Variants in RIMKLA observed in about 807,000 individuals in gnomAD.
The protein encoded by RIMKLA is ribosomal modification protein rimK like family member A.
In RIMKLA, 14 loss-of-function variants were observed where a neutral mutation model predicts 32.7. The observed-to-expected ratio is 0.43, with a 90% CI of 0.28 to 0.67. RIMKLA has a LOEUF of 0.67. Among genes scored for constraint, RIMKLA ranks in the 30% least tolerant of loss-of-function variants. RIMKLA has a pLI of 0.18. For synonymous variants in RIMKLA, 176 were observed against 204.1 expected (o/e 0.86, Z 1.18); for missense variants, 410 against 519.0 (o/e 0.79, Z 2.04).
At chr1:42,391,439 G>A (rs1477742463) in intron 1 of RIMKLA, among the ~76,000 whole-genome samples, 1 of 152,074 alleles carries the variant, frequency 6.6e-6, no homozygotes, top group African/African-American at 2.4e-5. Context: ...GGAGCGAGGA[G>A]GATATCTAGG....
At chr1:42,411,795 C>T (rs553636429) in intron 4 of RIMKLA, among the ~76,000 whole-genome samples, 12 of 152,244 alleles carry the variant, frequency 7.9e-5, no homozygotes, top group African/African-American at 2.2e-4. Context: ...CTCAGCCTCC[C>T]GAGTAGCTGG....
In RIMKLA at chr1:42,417,091, A is replaced by G. The variant is rs1300672869; in HGVS notation, c.*2117A>G. The G allele has an allele frequency of 8.5e-5, 13 of 152,226 alleles. No homozygotes were observed. Among genetic ancestry groups the G allele is most frequent in the Admixed American group, 8.5e-4 (13 of 15,288 alleles). The allele number at this position is 152,226 out of a possible 1,614,324, so 9.4% of individuals were successfully genotyped here. ...CTTTCTGTGCAAACTTAACCAAGTGATGATCGTCTGGAAGCTGCATTCCCT... is the reference window on the plus strand; with the variant it reads ...CTTTCTGTGCAAACTTAACCAAGTGGTGATCGTCTGGAAGCTGCATTCCCT... On this transcript the variant is annotated 3_prime_UTR_variant, in exon 5 of 5. Coordinates refer to ENST00000431473, the MANE Select transcript of RIMKLA (RefSeq NM_173642.4).
At chr1:42,405,270 A>AT (rs1302043121) in intron 3 of RIMKLA, among the ~76,000 whole-genome samples, 1 of 152,042 alleles carries the variant, frequency 6.6e-6, no homozygotes, top group Non-Finnish European at 1.5e-5. Context: ...TTTCCATAGC[A>AT]TTTTGTATGT....
At chr1:42,402,488 A>G (rs918146199) in intron 2 of RIMKLA, among the ~76,000 whole-genome samples, 9 of 152,112 alleles carry the variant, frequency 5.9e-5, no homozygotes, top group Admixed American at 5.9e-4. Flanking sequence ...TTGGACATGG[A>G]AGAGGGCCAT....
At chr1:42,408,211 C>T (rs16829446) in intron 3 of RIMKLA, among the ~76,000 whole-genome samples, 2,971 of 152,190 alleles carry the variant, frequency 0.02, 98 homozygotes, top group African/African-American at 0.067. Flanking sequence ...CTTGCTGGGC[C>T]CTATCCAGCT....
intron 4 of RIMKLA, 45 bp downstream of exon 4, chr1:42,410,232 T>C: frequency 3.3e-6 from 5 of 1,528,290 alleles, no homozygotes; most frequent in Non-Finnish European, 4.5e-6. Context: ...TTTGGACCCA[T>C]TCAGCAAATG....
intron 2 of RIMKLA, among the ~76,000 whole-genome samples, chr1:42,402,099 G>A (rs979743655): frequency 6.6e-6 from 1 of 152,054 alleles, no homozygotes; most frequent in African/African-American, 2.4e-5. Flanking sequence ...TTACGTTCAC[G>A]GCCTCATTTT....
chr1:42,397,735 A>G (rs1007360846), intron 1 of RIMKLA, among the ~76,000 whole-genome samples: 1 of 152,074 alleles, frequency 6.6e-6, no homozygotes, highest in African/African-American at 2.4e-5. Context: ...AAAAAAAAAT[A>G]AAATAATACA....
intron 1 of RIMKLA, among the ~76,000 whole-genome samples, chr1:42,381,932 C>G (rs1336527876): frequency 2.6e-5 from 4 of 152,208 alleles, no homozygotes; most frequent in Non-Finnish European, 5.9e-5. Flanking sequence ...CTGGAGGCAT[C>G]CAACCATTTC....
chr1:42,403,192 T>C (rs548891039), intron 2 of RIMKLA, among the ~76,000 whole-genome samples: 1 of 110,896 alleles, frequency 9.0e-6, no homozygotes, highest in East Asian at 2.1e-4. Flanking sequence ...TGGAACTTAG[T>C]TTCCCCTGTG....
In RIMKLA at chr1:42,414,655, C is replaced by T; in HGVS notation, c.857C>T (p.Ala286Val). The change falls in exon 5 of 5, where the codon GCA becomes GTA. Residue 286 changes from alanine to valine, a missense_variant. Ala to Val is a moderately conservative substitution (Grantham distance 64). Coordinates refer to ENST00000431473, the MANE Select transcript of RIMKLA (RefSeq NM_173642.4). ...GTTGGCTTCCTAGCCTTTGACCAGG[C>T]ATGCAACTTAGATGTGGGTGGGATC... ...ANVGFLAFDQACNLDVGGIIA... is the reference protein window; with the variant it reads ...ANVGFLAFDQVCNLDVGGIIA... The T allele has an allele frequency of 6.2e-7, 1 of 1,614,200 alleles. No homozygotes were observed. Among genetic ancestry groups the T allele is most frequent in the Non-Finnish European group, 8.5e-7 (1 of 1,180,020 alleles).
chr1:42,399,354 T>G (rs920707684), intron 1 of RIMKLA, 50 bp from the exon 2 acceptor site: 5 of 1,324,462 alleles, frequency 3.8e-6, no homozygotes, highest in East Asian at 2.4e-5. Flanking sequence ...TTTCTTCTGG[T>G]GGACTAAACG....
In RIMKLA at chr1:42,414,981, G is replaced by C. The variant is rs565541395; in HGVS notation, c.*7G>C. The C allele has an allele frequency of 1.0e-5, 16 of 1,593,328 alleles. No individual in the cohort carries two copies. Among genetic ancestry groups the C allele is most frequent in the Non-Finnish European group, 1.4e-5 (16 of 1,169,738 alleles). On this transcript the variant is annotated 3_prime_UTR_variant, in exon 5 of 5. Coordinates refer to ENST00000431473, the MANE Select transcript of RIMKLA (RefSeq NM_173642.4). ...TGAGTTAAAACTTAAGTGAATTCCT[G>C]CTTTTTGGCAGCATTTAAACCAAAT...
At position 42,417,955 on chromosome 1, in the gene RIMKLA, C is replaced by T. The variant is rs1643264049; in HGVS notation, c.*2981C>T. On this transcript the variant is annotated 3_prime_UTR_variant, in exon 5 of 5. Coordinates refer to ENST00000431473, the MANE Select transcript of RIMKLA (RefSeq NM_173642.4). ...CGTCTCAAAAAAAAAAAAAAAAAGC[C>T]ACACATTCTTGGCATTAGCACACCA... The T allele has an allele frequency of 6.6e-6, 1 of 150,834 alleles. No individual in the cohort carries two copies. Among genetic ancestry groups the T allele is most frequent in the Non-Finnish European group, 1.5e-5 (1 of 67,898 alleles). 9.3% of individuals were successfully genotyped at this position (150,834 alleles called of 1,614,324 possible).
chr1:42,383,839 G>T (rs1480774465), intron 1 of RIMKLA, among the ~76,000 whole-genome samples: 1 of 152,134 alleles, frequency 6.6e-6, no homozygotes, highest in Non-Finnish European at 1.5e-5. Context: ...CCAGTGATAT[G>T]GAATAAGCTT....
Position 42,381,182 on chromosome 1 carries a change from C to G in RIMKLA, c.163+85C>G. 4.7e-6 allele frequency: 5 copies of G among 1,058,686 alleles called. No homozygotes were observed. In the South Asian group the frequency reaches 1.2e-4, roughly 25 times the overall value. 65.6% of individuals were successfully genotyped at this position (1,058,686 alleles called of 1,614,324 possible). ...GGGTGGGCGCGCTCGCCGGGCCTCC[C>G]GCAGCAGAGTCTCCTTCGGGCCCGC... is the stretch of plus-strand genomic sequence containing the variant. On this transcript the variant is annotated intron_variant, in intron 1 of 4. Transcript: ENST00000431473.
At chr1:42,390,295 C>T (rs936070621) in intron 1 of RIMKLA, among the ~76,000 whole-genome samples, 10 of 152,170 alleles carry the variant, frequency 6.6e-5, no homozygotes, top group Non-Finnish European at 1.3e-4. Context: ...GCCTCAGCCT[C>T]CCAAAGTGCT....
chr1:42,421,510 G>A lies in RIMKLA; in HGVS notation c.*6536G>A, dbSNP rs993068022. On this transcript the variant is annotated 3_prime_UTR_variant, in exon 5 of 5. Coordinates refer to ENST00000431473, the MANE Select transcript of RIMKLA (RefSeq NM_173642.4). The surrounding 1 kb of genome is among the most constrained non-coding windows in gnomAD (Gnocchi z 4.6). Reference sequence around the variant, plus strand: ...AAGCTGCTAAAATTCTGCTGTCCTGGGCCTATCCGGAGTGGGACTCCCGTA... The same window carrying A: ...AAGCTGCTAAAATTCTGCTGTCCTGAGCCTATCCGGAGTGGGACTCCCGTA... 6.6e-5 allele frequency: 10 copies of A among 152,236 alleles called. No homozygotes were observed. The highest frequency in any genetic ancestry group is 2.4e-4 in the African/African-American group (10 of 41,424). 9.4% of individuals were successfully genotyped at this position (152,236 alleles called of 1,614,324 possible). A position where few individuals can be genotyped will look rare whatever the true frequency, so the allele number is the denominator to read the frequency against.
chr1:42,408,483 G>A (rs1172990535), intron 3 of RIMKLA, among the ~76,000 whole-genome samples: 4 of 152,140 alleles, frequency 2.6e-5, no homozygotes, highest in African/African-American at 7.2e-5. Flanking sequence ...TCAATGGCGC[G>A]ATCTTGGCTC....
Sources: gnomAD v4.1 joint callset for allele counts (sites outside exome capture counted in the v4.1 genomes callset) on GRCh38, gnomAD v4.1.1 for gene constraint, Gnocchi (gnomAD v3.1) non-coding constraint, MANE v1.5 for transcripts, NCBI Gene and HGNC (gene_info 2026-07-23, HGNC 2026-07-21) for gene names.